Variants in NFAT5 observed in about 807,000 individuals in gnomAD.
NFAT5 encodes nuclear factor of activated T cells 5, also known as nuclear factor of activated T-cells 5.
NFAT5 carries 31 observed loss-of-function variants against 166.5 expected under a neutral mutation model. The ratio of observed to expected loss-of-function variants is 0.19; its 90% confidence interval spans 0.14 to 0.25. The LOEUF (loss-of-function observed/expected upper bound fraction) is 0.25. Ranked by LOEUF, NFAT5 falls within the 10% of genes least tolerant of loss-of-function variation. The probability of loss-of-function intolerance (pLI) is 1.00; values close to 1 mark genes in which losing one functional copy is unlikely to be tolerated. For synonymous variants in NFAT5, 612 were observed against 639.7 expected, an observed-to-expected ratio of 0.96 and a Z score of 0.65; for missense variants, 1,449 against 1,821.8, an observed-to-expected ratio of 0.80 and a Z score of 3.72.
intron 2 of NFAT5, among the ~76,000 whole-genome samples, chr16:69,595,426 G>A (rs1452603070): frequency 3.3e-5 from 5 of 152,082 alleles, no homozygotes; most frequent in East Asian, 1.9e-4. Flanking sequence ...ATGGGTTTCT[G>A]GTGCAACATA....
intron 10 of NFAT5, among the ~76,000 whole-genome samples, chr16:69,680,235 T>A (rs1266344651): frequency 6.6e-6 from 1 of 152,214 alleles, no homozygotes; most frequent in Non-Finnish European, 1.5e-5. Context: ...AAAGATGGTA[T>A]AATTAATACA....
At chr16:69,620,597 T>C (rs2034154848) in intron 2 of NFAT5, among the ~76,000 whole-genome samples, 2 of 152,060 alleles carry the variant, frequency 1.3e-5, no homozygotes, top group Non-Finnish European at 2.9e-5. Context: ...TAACTGAGCA[T>C]GTCTGAGAAA....
chr16:69,597,371 C>CAT (rs143708077), intron 2 of NFAT5, among the ~76,000 whole-genome samples: 20 of 151,708 alleles, frequency 1.3e-4, no homozygotes, highest in African/African-American at 2.4e-4. Context: ...AGTTATTTTA[C>CAT]ATATATATAT....
At chr16:69,680,217 A>C (rs1483824087) in intron 10 of NFAT5, among the ~76,000 whole-genome samples, 1 of 152,218 alleles carries the variant, frequency 6.6e-6, no homozygotes, top group African/African-American at 2.4e-5. Flanking sequence ...TTGCACAAAC[A>C]TGAGAAGAAA....
chr16:69,582,180 G>A (rs776758305), intron 2 of NFAT5, among the ~76,000 whole-genome samples: 1 of 152,138 alleles, frequency 6.6e-6, no homozygotes, highest in Non-Finnish European at 1.5e-5. Flanking sequence ...CAGGAGAATT[G>A]TTTGAACCTA....
intron 11 of NFAT5, among the ~76,000 whole-genome samples, chr16:69,689,701 T>C (rs2037473116): frequency 6.6e-6 from 1 of 152,146 alleles, no homozygotes; most frequent in Non-Finnish European, 1.5e-5. Context: ...TGTGCCACCA[T>C]GCCCTGCTAA....
intron 3 of NFAT5, among the ~76,000 whole-genome samples, chr16:69,630,290 C>T (rs1002501634): frequency 6.6e-6 from 1 of 152,064 alleles, no homozygotes; most frequent in Non-Finnish European, 1.5e-5. Context: ...GCTTGGCCTC[C>T]TAAAGTGCTG....
chr16:69,648,408 T>G, intron 4 of NFAT5: 1 of 982,222 alleles, frequency 1.0e-6, no homozygotes, highest in Non-Finnish European at 1.2e-6. Context: ...TATCATAAGC[T>G]TTTTTCCTTT....
intron 3 of NFAT5, among the ~76,000 whole-genome samples, chr16:69,626,807 T>C (rs1192448223): frequency 6.6e-6 from 1 of 152,200 alleles, no homozygotes. Context: ...TTTGGTTGAC[T>C]GTGCTTAAAA....
chr16:69,656,534 C>T (rs1248967384), intron 6 of NFAT5, among the ~76,000 whole-genome samples: 1 of 151,800 alleles, frequency 6.6e-6, no homozygotes, highest in Non-Finnish European at 1.5e-5. Context: ...TTACTACAAC[C>T]TCTGCCTCCC....
chr16:69,618,739 A>C (rs1244336893), intron 2 of NFAT5, among the ~76,000 whole-genome samples: 1 of 152,202 alleles, frequency 6.6e-6, no homozygotes, highest in East Asian at 1.9e-4. Flanking sequence ...TCACATTTAG[A>C]GGTTTTTTTT....
At chr16:69,586,559 T>C (rs1192421392) in intron 2 of NFAT5, among the ~76,000 whole-genome samples, 1 of 152,088 alleles carries the variant, frequency 6.6e-6, no homozygotes, top group Non-Finnish European at 1.5e-5. Context: ...CCCACCACCA[T>C]GCCTGGCTAA....
intron 2 of NFAT5, among the ~76,000 whole-genome samples, chr16:69,590,917 T>C (rs1329820254): frequency 2.0e-5 from 3 of 152,108 alleles, no homozygotes; most frequent in Non-Finnish European, 2.9e-5. Context: ...GGCTGTATCA[T>C]TTTATTTCCC....
At chr16:69,674,934 T>C (rs1355912726) in intron 9 of NFAT5, among the ~76,000 whole-genome samples, 2 of 152,186 alleles carry the variant, frequency 1.3e-5, no homozygotes, top group African/African-American at 4.8e-5. Context: ...TCCCAAAGCC[T>C]CCCAACCCTT....
At chr16:69,615,593 T>C (rs760211741) in intron 2 of NFAT5, among the ~76,000 whole-genome samples, 1 of 152,168 alleles carries the variant, frequency 6.6e-6, no homozygotes, top group Non-Finnish European at 1.5e-5. Context: ...CATTTATACC[T>C]ATATTTTTCT....
At position 69,684,964 on chromosome 16, in the gene NFAT5, A is replaced by G. The variant is rs1273292190; in HGVS notation, c.1768A>G (p.Met590Val). 6 of 1,608,372 alleles carry G rather than the reference A, an allele frequency of 3.7e-6. No homozygotes were observed. Among genetic ancestry groups the G allele is most frequent in the African/African-American group, 1.3e-5 (1 of 74,742 alleles). ...PARPCSFEEA[M>V]KAMKTTGCNL... ...AAGACCTTGCTCTTTTGAAGAGGCC[A>G]TGAAAGGTACCAAGTAAATTCTTCT... Residue 590 changes from methionine (M) to valine (V), a missense_variant, in exon 11 of 15, where the codon ATG (methionine) becomes GTG (valine). Coordinates refer to ENST00000349945, the MANE Select transcript of NFAT5 (RefSeq NM_138713.4).
Position 69,647,463 on chromosome 16 carries a change from T to C in NFAT5, c.689T>C (p.Val230Ala). 1 of 1,613,644 alleles carries C rather than the reference T, an allele frequency of 6.2e-7. No homozygotes were observed. Among genetic ancestry groups the C allele is most frequent in the Non-Finnish European group, 8.5e-7 (1 of 1,179,942 alleles). ...CGAAATCCAAAGCAGAGGCCGGGGG[T>C]CAAACGACGAGATTGTGAAGAATCT... ...RKRNPKQRPG[V>A]KRRDCEESNM... Residue 230 changes from valine to alanine, a missense_variant, in exon 4 of 15, where the codon GTC becomes GCC. Physicochemically the swap from Val to Ala is moderately conservative, Grantham distance 64 (BLOSUM62 0). Around this residue, in one of 7 missense-constraint regions of NFAT5, gnomAD observed 115 missense variants for 177.1 expected, o/e 0.65. Transcript: ENST00000349945. This position sits in a 1 kb window ranked among gnomAD's most constrained non-coding sequence, Gnocchi z 4.8.
intron 4 of NFAT5, among the ~76,000 whole-genome samples, chr16:69,653,012 C>T (rs953407613): frequency 3.3e-5 from 5 of 152,126 alleles, no homozygotes; most frequent in Non-Finnish European, 7.4e-5. Flanking sequence ...GTCAAACATA[C>T]TTTGTTTTAT....
intron 3 of NFAT5, among the ~76,000 whole-genome samples, chr16:69,634,037 G>C (rs79486929): frequency 0.24 from 36,166 of 151,622 alleles, 4,642 homozygotes; most frequent in East Asian, 0.45. Context: ...CAGCACTTTG[G>C]GGGGCCGAGG....
Sources: allele counts gnomAD v4.1 joint callset (sites outside exome capture counted in the v4.1 genomes callset), GRCh38; gene constraint gnomAD v4.1.1; regional missense constraint gnomAD v4.1.1; non-coding constraint Gnocchi (gnomAD v3.1); transcripts MANE v1.5; gene names NCBI Gene and HGNC (gene_info 2026-07-23, HGNC 2026-07-21).